The following PTPRG variants were observed in gnomAD, a reference collection of about 807,000 sequenced individuals.
The protein encoded by PTPRG is protein tyrosine phosphatase receptor type G.
A neutral mutation model predicts 165.3 loss-of-function variants in PTPRG; 102 were observed. That is an observed-to-expected ratio of 0.62 (90% CI 0.53 to 0.73). The LOEUF (loss-of-function observed/expected upper bound fraction) is 0.73. PTPRG is among the 30% of genes least tolerant of loss of function. The pLI, the probability that PTPRG is intolerant of heterozygous loss-of-function variation, is 0.00. For synonymous variants in PTPRG, 675 were observed against 669.5 expected, an observed-to-expected ratio of 1.01 and a Z score of -0.13; for missense variants, 1,866 against 1,861.4, an observed-to-expected ratio of 1.00 and a Z score of -0.05.
chr3:61,793,808 C>G (rs2034965365), intron 2 of PTPRG, among the ~76,000 whole-genome samples: 1 of 152,088 alleles, frequency 6.6e-6, no homozygotes, highest in Non-Finnish European at 1.5e-5. Flanking sequence ...CTAAAAGGAC[C>G]AAAGTTAATT....
At chr3:61,976,241 A>G (rs748293619) in intron 2 of PTPRG, among the ~76,000 whole-genome samples, 7 of 152,238 alleles carry the variant, frequency 4.6e-5, no homozygotes, top group Non-Finnish European at 8.8e-5. Flanking sequence ...CACTACTGTA[A>G]TGATGGAGAG....
chr3:61,796,746 C>A (rs974511298), intron 2 of PTPRG, among the ~76,000 whole-genome samples: 3 of 152,064 alleles, frequency 2.0e-5, no homozygotes, highest in Non-Finnish European at 4.4e-5. Context: ...GTCGTTTGCC[C>A]CTTAATATGT....
intron 2 of PTPRG, among the ~76,000 whole-genome samples, chr3:61,818,368 G>C (rs2035850601): frequency 6.6e-6 from 1 of 151,900 alleles, no homozygotes; most frequent in South Asian, 2.1e-4. Context: ...GCAGGATTTG[G>C]GAAAGAAGTA....
intron 12 of PTPRG, among the ~76,000 whole-genome samples, 200 bp downstream of exon 12, chr3:62,204,150 C>G (rs994590768): frequency 1.3e-5 from 2 of 152,202 alleles, no homozygotes; most frequent in African/African-American, 4.8e-5. Context: ...TACTCTCTTA[C>G]GCTGGAGTAA....
intron 2 of PTPRG, among the ~76,000 whole-genome samples, chr3:61,876,413 C>T (rs914341546): frequency 9.2e-5 from 14 of 152,190 alleles, no homozygotes; most frequent in Admixed American, 7.9e-4. Context: ...TGAGTTAATT[C>T]TGTCACGCTC....
intron 6 of PTPRG, among the ~76,000 whole-genome samples, chr3:62,138,667 T>TGA (rs1408498796): frequency 7.6e-6 from 1 of 131,134 alleles, no homozygotes; most frequent in Non-Finnish European, 1.5e-5. Context: ...TACAGTTAGC[T>TGA]GAGGCTGCGC....
At chr3:62,021,857 C>CTTTTTTTTTTTTTT (rs398062374) in intron 4 of PTPRG, among the ~76,000 whole-genome samples, 4 of 97,078 alleles carry the variant, frequency 4.1e-5, no homozygotes, top group Admixed American at 1.1e-4. Context: ...TTTTCCTTTT[C>CTTTTTTTTTTTTTT]TTTTTTTTTT....
chr3:61,631,259 T>C (rs1230559351), intron 1 of PTPRG, among the ~76,000 whole-genome samples: 1 of 152,186 alleles, frequency 6.6e-6, no homozygotes, highest in Admixed American at 6.5e-5. Context: ...AATTTCTACC[T>C]GATCTGTTAA....
At chr3:61,779,583 T>A (rs1161811066) in intron 2 of PTPRG, among the ~76,000 whole-genome samples, 5 of 152,182 alleles carry the variant, frequency 3.3e-5, no homozygotes, top group Admixed American at 6.5e-5. Flanking sequence ...CCTTTAGGCA[T>A]TTTAGGTAGG....
intron 4 of PTPRG, among the ~76,000 whole-genome samples, chr3:62,036,771 C>T (rs1699952943): frequency 6.6e-6 from 1 of 152,172 alleles, no homozygotes; most frequent in Non-Finnish European, 1.5e-5. Flanking sequence ...TAATGTGCTT[C>T]AAAACAAGCT....
chr3:61,820,307 G>GAAAA (rs2035912840), intron 2 of PTPRG, among the ~76,000 whole-genome samples: 1 of 152,100 alleles, frequency 6.6e-6, no homozygotes, highest in African/African-American at 2.4e-5. Flanking sequence ...AAACACTCAG[G>GAAAA]CAGAGAGAAG....
chr3:61,773,345 G>GCT (rs1176385273), intron 2 of PTPRG, among the ~76,000 whole-genome samples: 1 of 152,078 alleles, frequency 6.6e-6, no homozygotes, highest in Non-Finnish European at 1.5e-5. Flanking sequence ...GAGCTGAAGA[G>GCT]GAAGAGGAAA....
intron 19 of PTPRG, 24 bp from the exon 20 acceptor site, chr3:62,269,011 T>C (rs1425168171): frequency 1.3e-6 from 2 of 1,537,622 alleles, no homozygotes; most frequent in Admixed American, 1.8e-5. Context: ...GCAGTTATAC[T>C]TTACAACTTT....
intron 2 of PTPRG, among the ~76,000 whole-genome samples, chr3:61,768,695 T>C (rs1389721551): frequency 6.6e-6 from 1 of 152,168 alleles, no homozygotes; most frequent in Non-Finnish European, 1.5e-5. Context: ...CTTAATAGAA[T>C]TGGAAACTTG....
rs535015627 is a variant in PTPRG, at chr3:62,294,678, G to A, written c.*1371G>A. 2 of 152,088 alleles carry A rather than the reference G, an allele frequency of 1.3e-5. No individual in the cohort carries two copies. The highest frequency in any genetic ancestry group is 1.9e-4 in the East Asian group (1 of 5,194). The allele number at this position is 152,088 out of a possible 1,614,324, so 9.4% of individuals were successfully genotyped here. A position where few individuals can be genotyped will look rare whatever the true frequency, so the allele number is the denominator to read the frequency against. On this transcript the variant is annotated 3_prime_UTR_variant, in exon 30 of 30. Transcript: ENST00000474889. ...TTAATAAGAAATTTCAGTAGTGTTT[G>A]TAAGGAAAATAAGCTACTTACTGAG...
At chr3:62,251,233 A>G (rs943114248) in intron 15 of PTPRG, among the ~76,000 whole-genome samples, 4 of 152,226 alleles carry the variant, frequency 2.6e-5, no homozygotes, top group African/African-American at 4.8e-5. Flanking sequence ...TCTACAAAAA[A>G]TATAAGCCAG....
chr3:61,763,607 G>C (rs1458020288), intron 2 of PTPRG, among the ~76,000 whole-genome samples: 1 of 151,270 alleles, frequency 6.6e-6, no homozygotes, highest in East Asian at 2.0e-4. Flanking sequence ...CTGACCTCAG[G>C]TGATCCACCC....
chr3:62,064,777 G>C (rs1575956438), intron 4 of PTPRG, among the ~76,000 whole-genome samples: 1 of 120,184 alleles, frequency 8.3e-6, no homozygotes, highest in Admixed American at 1.2e-4. Flanking sequence ...TTCTTGCCCA[G>C]CCTGGAGTAT....
chr3:62,107,105 T>C (rs974232647), intron 5 of PTPRG, among the ~76,000 whole-genome samples: 1 of 152,214 alleles, frequency 6.6e-6, no homozygotes. Context: ...GAAACAGTTA[T>C]AGAAATAGAA....
Sources: allele counts gnomAD v4.1 joint callset (sites outside exome capture counted in the v4.1 genomes callset), GRCh38; gene constraint gnomAD v4.1.1; transcripts MANE v1.5; gene names NCBI Gene and HGNC (gene_info 2026-07-23, HGNC 2026-07-21).